The following ASIC2 variants were observed in gnomAD, a reference collection of about 807,000 sequenced individuals.
The protein encoded by ASIC2 is acid sensing ion channel subunit 2, also known as acid-sensing ion channel 2.
ASIC2 carries 25 observed loss-of-function variants against 57.3 expected under a neutral mutation model. That is an observed-to-expected ratio of 0.44 (90% confidence interval 0.32 to 0.61). The LOEUF (loss-of-function observed/expected upper bound fraction) is 0.61, where lower values mean the gene tolerates loss of function less well. ASIC2 is among the 20% of genes least tolerant of loss of function. The probability of loss-of-function intolerance (pLI) is 0.06; values close to 1 mark genes in which losing one functional copy is unlikely to be tolerated. For synonymous variants in ASIC2, 319 were observed against 307.5 expected, an observed-to-expected ratio of 1.04 and a Z score of -0.39; for missense variants, 641 against 738.1, an observed-to-expected ratio of 0.87 and a Z score of 1.52.
intron 1 of ASIC2, among the ~76,000 whole-genome samples, chr17:34,150,555 G>A (rs1468236512): frequency 2.6e-5 from 4 of 152,092 alleles, no homozygotes; most frequent in Non-Finnish European, 4.4e-5. Flanking sequence ...AAAATTATCA[G>A]TGGCTAAAAA....
chr17:33,806,097 C>T lies in ASIC2; in HGVS notation c.555+349881G>A, dbSNP rs111955508. Among the ~76,000 whole-genome samples the T allele has an allele frequency of 7.8e-4, 119 of 152,262 alleles. 2 individuals are homozygous for T. Among genetic ancestry groups the T allele is most frequent in the African/African-American group, 2.8e-3 (116 of 41,544 alleles). On this transcript the variant is annotated intron_variant, in intron 1 of 9. Coordinates refer to the ASIC2 transcript ENST00000359872. ...GGGCTCCCATGTCCCAGCGAAACACCGGAAAGCACCCACATTCATACTCAA... is the reference window on the plus strand; with the variant it reads ...GGGCTCCCATGTCCCAGCGAAACACTGGAAAGCACCCACATTCATACTCAA...
intron 1 of ASIC2, among the ~76,000 whole-genome samples, chr17:33,308,199 T>C (rs1464436126): frequency 6.6e-6 from 1 of 152,218 alleles, no homozygotes; most frequent in Non-Finnish European, 1.5e-5. Flanking sequence ...TCAATGGCCT[T>C]CAGCTTATTA....
chr17:33,693,503 A>T (rs1908435323), intron 1 of ASIC2, among the ~76,000 whole-genome samples: 1 of 152,122 alleles, frequency 6.6e-6, no homozygotes, highest in Non-Finnish European at 1.5e-5. Context: ...TGCCTTAGGG[A>T]CTGGATGGAG....
At chr17:33,016,126 T>A in intron 8 of ASIC2, 87 bp from the exon 9 acceptor site, 1 of 1,309,070 alleles carries the variant, frequency 7.6e-7, no homozygotes. Context: ...CCCACTGGGG[T>A]GGCAGCTGCT....
intron 1 of ASIC2, among the ~76,000 whole-genome samples, chr17:34,031,889 A>G (rs12451135): frequency 0.52 from 79,728 of 152,116 alleles, 24,094 homozygotes; most frequent in African/African-American, 0.84. Flanking sequence ...CGTCTGATTG[A>G]TTTACCTGAA....
intron 1 of ASIC2, among the ~76,000 whole-genome samples, chr17:33,225,795 A>T (rs1452120729): frequency 2.0e-5 from 3 of 152,246 alleles, no homozygotes; most frequent in Non-Finnish European, 1.5e-5. Flanking sequence ...ACCAGCAGCC[A>T]GGAAAGGTGA....
chr17:33,253,546 C>G (rs1329860779), intron 1 of ASIC2, among the ~76,000 whole-genome samples: 1 of 152,180 alleles, frequency 6.6e-6, no homozygotes, highest in African/African-American at 2.4e-5. Flanking sequence ...CTACTTATTA[C>G]TACAGATGTT....
At chr17:33,070,976 C>T (rs1424448170) in intron 3 of ASIC2, among the ~76,000 whole-genome samples, 1 of 151,838 alleles carries the variant, frequency 6.6e-6, no homozygotes, top group Non-Finnish European at 1.5e-5. Context: ...AATCTACTGT[C>T]TTCCTTATCT....
At chr17:33,451,386 A>T (rs1207887644) in intron 1 of ASIC2, among the ~76,000 whole-genome samples, 1 of 152,090 alleles carries the variant, frequency 6.6e-6, no homozygotes, top group Non-Finnish European at 1.5e-5. Flanking sequence ...ACCTTTCTCA[A>T]TGACTCACCA....
chr17:33,249,096 G>A (rs968261307), intron 1 of ASIC2, among the ~76,000 whole-genome samples: 1 of 152,154 alleles, frequency 6.6e-6, no homozygotes, highest in Non-Finnish European at 1.5e-5. Context: ...TGAAAGGTAA[G>A]GCCAATAGGA....
chr17:33,296,937 GA>G (rs754430131), upstream of ASIC2, among the ~76,000 whole-genome samples: 1 of 152,202 alleles, frequency 6.6e-6, no homozygotes, highest in Non-Finnish European at 1.5e-5. Context: ...TTCCTTCAGT[GA>G]CAGTGTAATC....
chr17:33,863,910 T>G (rs1322973503), intron 1 of ASIC2, among the ~76,000 whole-genome samples: 1 of 78,594 alleles, frequency 1.3e-5, no homozygotes, highest in South Asian at 6.2e-4. Context: ...GTTTTTTTTT[T>G]TTTTGTTTTT....
At chr17:33,930,213 C>T (rs12452988) in intron 1 of ASIC2, among the ~76,000 whole-genome samples, 42,671 of 152,122 alleles carry the variant, frequency 0.28, 6,581 homozygotes, top group Admixed American at 0.37. Flanking sequence ...CTATCACTTA[C>T]GGGTTTCCCC....
intron 3 of ASIC2, among the ~76,000 whole-genome samples, chr17:33,054,268 T>C (rs965679308): frequency 6.6e-6 from 1 of 152,162 alleles, no homozygotes; most frequent in African/African-American, 2.4e-5. Flanking sequence ...GGTAGGTGAC[T>C]GATTACTCTT....
At chr17:34,087,130 C>T (rs184758607) in intron 1 of ASIC2, among the ~76,000 whole-genome samples, 175 of 151,910 alleles carry the variant, frequency 1.2e-3, no homozygotes, top group African/African-American at 3.8e-3. Context: ...GTTTCTTCCT[C>T]GTCTCGATGG....
At chr17:33,409,571 T>C (rs1231871867) in intron 1 of ASIC2, among the ~76,000 whole-genome samples, 1 of 152,212 alleles carries the variant, frequency 6.6e-6, no homozygotes, top group East Asian at 1.9e-4. Context: ...CCTATTCTCT[T>C]ATTCCCTCAC....
At position 33,023,817 on chromosome 17, in the gene ASIC2, T is replaced by C. The variant is rs376653704; in HGVS notation, c.1349+44A>G. Reference sequence around the variant, plus strand: ...TTGATTGCCTCCAATTTCCTCCTTATCCAGTTCCCCCTTCCCCCTGCCTAC... The same window carrying C: ...TTGATTGCCTCCAATTTCCTCCTTACCCAGTTCCCCCTTCCCCCTGCCTAC... On this transcript the variant is annotated intron_variant, in intron 6 of 9. Coordinates refer to ENST00000225823, the MANE Select transcript of ASIC2 (RefSeq NM_183377.2). 3.7e-6 allele frequency: 6 copies of C among 1,610,790 alleles called. No individual in the cohort carries two copies. The African/African-American group carries it at 5.3e-5, about 14-fold the overall frequency.
intron 1 of ASIC2, among the ~76,000 whole-genome samples, chr17:33,559,587 A>C (rs1001731720): frequency 6.6e-6 from 1 of 152,200 alleles, no homozygotes; most frequent in African/African-American, 2.4e-5. Context: ...GAGGGCTAGC[A>C]TAGTGCCAGT....
At chr17:33,513,014 G>A (rs1914471155) in intron 1 of ASIC2, among the ~76,000 whole-genome samples, 1 of 152,176 alleles carries the variant, frequency 6.6e-6, no homozygotes, top group Admixed American at 6.5e-5. Context: ...CCAGTCTTGT[G>A]CTCTTTGCAT....
Sources: allele counts gnomAD v4.1 joint callset (sites outside exome capture counted in the v4.1 genomes callset), GRCh38; gene constraint gnomAD v4.1.1; transcripts MANE v1.5; gene names NCBI Gene and HGNC (gene_info 2026-07-23, HGNC 2026-07-21).